Variants in PTPN2 observed in about 807,000 individuals in gnomAD.
PTPN2 encodes protein tyrosine phosphatase non-receptor type 2.
Under a neutral mutation model 57.3 loss-of-function variants are expected in PTPN2, and 19 were observed. The observed-to-expected ratio is 0.33, with a 90% CI of 0.23 to 0.49. The LOEUF is 0.49. PTPN2 is among the 20% of genes least tolerant of loss of function. The pLI is 0.99. For missense variants in PTPN2, 358 were observed against 501.1 expected (o/e 0.71, Z 2.73); for synonymous variants, 153 against 164.9 (o/e 0.93, Z 0.55).
intron 3 of PTPN2, among the ~76,000 whole-genome samples, chr18:12,833,845 G>A (rs2042755317): frequency 6.6e-6 from 1 of 152,158 alleles, no homozygotes; most frequent in Non-Finnish European, 1.5e-5. Flanking sequence ...AAATAGGAAG[G>A]CAGCTACCTT....
intron 7 of PTPN2, among the ~76,000 whole-genome samples, chr18:12,806,724 G>T (rs1490762861): frequency 6.6e-6 from 1 of 151,974 alleles, no homozygotes; most frequent in Non-Finnish European, 1.5e-5. Context: ...ATGGTGTTGG[G>T]AACACTGGAT....
At chr18:12,812,994 G>A (rs2041946420) in intron 7 of PTPN2, among the ~76,000 whole-genome samples, 1 of 147,982 alleles carries the variant, frequency 6.8e-6, no homozygotes, top group South Asian at 2.1e-4. Context: ...GATAAAGTAT[G>A]TATTCTAAAA....
chr18:12,833,949 A>G (rs2042759329), intron 3 of PTPN2, among the ~76,000 whole-genome samples: 2 of 152,196 alleles, frequency 1.3e-5, no homozygotes, highest in African/African-American at 4.8e-5. Flanking sequence ...GGAGAGAAGA[A>G]AAAGCCAGAC....
chr18:12,799,127 T>C (rs900168575), intron 8 of PTPN2, among the ~76,000 whole-genome samples: 2 of 152,042 alleles, frequency 1.3e-5, no homozygotes, highest in Admixed American at 6.6e-5. Context: ...CTTTTGAAAG[T>C]TGAAATTCTG....
At chr18:12,864,541 G>A (rs1157796528) in intron 1 of PTPN2, among the ~76,000 whole-genome samples, 2 of 151,672 alleles carry the variant, frequency 1.3e-5, no homozygotes, top group Non-Finnish European at 2.9e-5. Flanking sequence ...GACCACAAAT[G>A]CCCGCCACCA....
At chr18:12,816,760 G>A (rs1234420544) in intron 6 of PTPN2, among the ~76,000 whole-genome samples, 1 of 152,136 alleles carries the variant, frequency 6.6e-6, no homozygotes, top group Non-Finnish European at 1.5e-5. Context: ...AATTCTCACA[G>A]GAACCCTGTG....
Position 12,794,050 on chromosome 18 carries a change from CATGA to C in PTPN2, c.*224_*227del, listed in dbSNP as rs2145217280. On this transcript the variant is annotated 3_prime_UTR_variant, in exon 9 of 9. Transcript: ENST00000309660. ...GCAAAATTTACCAGTTTTTAACAAA[CATGA>C]ATGTCTTTATTTTAGACAGCCATTT... is the stretch of plus-strand genomic sequence containing the variant. 7.1e-7 allele frequency: 1 copy of C among 1,398,820 alleles called. No individual in the cohort carries two copies. Among genetic ancestry groups the C allele is most frequent in the East Asian group, 2.6e-5 (1 of 38,078 alleles). 86.7% of individuals were successfully genotyped at this position (1,398,820 alleles called of 1,614,324 possible).
chr18:12,877,737 C>A (rs1052286124), intron 1 of PTPN2, among the ~76,000 whole-genome samples: 6 of 152,210 alleles, frequency 3.9e-5, no homozygotes, highest in Non-Finnish European at 7.3e-5. Flanking sequence ...GGCGGCCAGG[C>A]GCAGTGGCTC....
chr18:12,787,802 A>G (rs1055671860), downstream of PTPN2: 2 of 152,506 alleles, frequency 1.3e-5, no homozygotes, highest in East Asian at 1.9e-4. Context: ...ACGGGTTCAA[A>G]TAAGTCAAAT....
In PTPN2 at chr18:12,849,849, T is replaced by C. The variant is rs534109337; in HGVS notation, c.160+9315A>G. On this transcript the variant is annotated intron_variant, in intron 2 of 8. Coordinates refer to ENST00000309660, the MANE Select transcript of PTPN2 (RefSeq NM_002828.4). Reference sequence around the variant, plus strand: ...GAGTCAGTTTTGGTAAATTATGTTTTTCTAGGAATCTGTTCCATTTTTTCT... The same window carrying C: ...GAGTCAGTTTTGGTAAATTATGTTTCTCTAGGAATCTGTTCCATTTTTTCT... 2.6e-5 allele frequency among the ~76,000 whole-genome samples: 4 copies of C among 152,258 alleles called. 1 individual carries two copies. Among genetic ancestry groups the C allele is most frequent in the African/African-American group, 9.6e-5 (4 of 41,556 alleles).
chr18:12,837,512 T>C (rs570631027), intron 2 of PTPN2, among the ~76,000 whole-genome samples: 12 of 152,338 alleles, frequency 7.9e-5, no homozygotes, highest in South Asian at 2.1e-4. Context: ...AAAAATCTCA[T>C]AGATTGAGAA....
intron 8 of PTPN2, among the ~76,000 whole-genome samples, chr18:12,795,193 A>G (rs2041126619): frequency 6.6e-6 from 1 of 152,174 alleles, no homozygotes; most frequent in East Asian, 1.9e-4. Context: ...TAGCTATTTA[A>G]TATTTCCATG....
intron 7 of PTPN2, among the ~76,000 whole-genome samples, chr18:12,811,043 T>G (rs2041873170): frequency 6.6e-6 from 1 of 152,192 alleles, no homozygotes; most frequent in African/African-American, 2.4e-5. Context: ...ATTCTAACAC[T>G]TCAAATGTGC....
intron 1 of PTPN2, among the ~76,000 whole-genome samples, chr18:12,878,337 GA>G (rs968175588): frequency 2.8e-5 from 4 of 144,708 alleles, no homozygotes; most frequent in African/African-American, 1.0e-4. Flanking sequence ...GAAAGAAAAA[GA>G]AAAAAAAAGA....
At chr18:12,820,250 T>C (rs1196875843) in intron 5 of PTPN2, among the ~76,000 whole-genome samples, 1 of 150,330 alleles carries the variant, frequency 6.7e-6, no homozygotes, top group Non-Finnish European at 1.5e-5. Flanking sequence ...TGAAAATCAG[T>C]TGTTGTTTTT....
chr18:12,822,384 A>G (rs1234168906), intron 5 of PTPN2, among the ~76,000 whole-genome samples: 1 of 152,170 alleles, frequency 6.6e-6, no homozygotes, highest in East Asian at 1.9e-4. Context: ...AAAAGAAAAA[A>G]CTGAAAGACA....
rs1568168185 is a variant in PTPN2, at chr18:12,870,289, ACATATATATGTG to A, written c.70-11047_70-11036del. Among the ~76,000 whole-genome samples the A allele has an allele frequency of 5.4e-3, 315 of 58,234 alleles. 37 individuals carry two copies. Among genetic ancestry groups the A allele is most frequent in the African/African-American group, 0.02 (206 of 10,206 alleles). 38.2% of individuals were successfully genotyped at this position (58,234 alleles called of 152,430 possible). Reference sequence around the variant, plus strand: ...TATATATATGTATATATATACATATACATATATATGTGTATATATACATATATATGTGTATAT... The same window carrying A: ...TATATATATGTATATATATACATATATATATATACATATATATGTGTATAT... On this transcript the variant is annotated intron_variant, in intron 1 of 8. Transcript: ENST00000309660.
chr18:12,859,076 C>A, intron 2 of PTPN2, 88 bp downstream of exon 2: 2 of 922,956 alleles, frequency 2.2e-6, no homozygotes, highest in Non-Finnish European at 1.7e-6. Flanking sequence ...TATTTATCAA[C>A]ACTGACCCCA....
intron 8 of PTPN2, among the ~76,000 whole-genome samples, chr18:12,796,557 C>T (rs896863831): frequency 6.6e-6 from 1 of 152,166 alleles, no homozygotes; most frequent in Non-Finnish European, 1.5e-5. Flanking sequence ...TCAGCTGCCA[C>T]AGAAAACAGT....
Sources: gnomAD v4.1 joint callset for allele counts (sites outside exome capture counted in the v4.1 genomes callset) on GRCh38, gnomAD v4.1.1 for gene constraint, MANE v1.5 for transcripts, NCBI Gene and HGNC (gene_info 2026-07-23, HGNC 2026-07-21) for gene names.